Variants in SH3BP4 observed in about 807,000 individuals in gnomAD.
SH3BP4 encodes the protein SH3 domain binding protein 4.
A neutral mutation model predicts 65.5 loss-of-function variants in SH3BP4; 33 were observed. The observed-to-expected ratio is 0.50, with a 90% CI of 0.38 to 0.67. The LOEUF is 0.67. Ranked by LOEUF, SH3BP4 falls within the 30% of genes least tolerant of loss-of-function variation. The pLI, the probability that SH3BP4 is intolerant of heterozygous loss-of-function variation, is 0.00. For synonymous variants in SH3BP4, 552 were observed against 545.5 expected (o/e 1.01, Z -0.17); for missense variants, 1,134 against 1,261.4 (o/e 0.90, Z 1.53).
chr2:235,011,741 T>C (rs1320126231), intron 2 of SH3BP4, among the ~76,000 whole-genome samples: 2 of 152,258 alleles, frequency 1.3e-5, no homozygotes, highest in Admixed American at 1.3e-4. Flanking sequence ...GATAACTCTC[T>C]GTTTGTCAGA....
In SH3BP4 at chr2:234,988,261, G is replaced by A. The variant is rs13406254; in HGVS notation, c.-206-7042G>A. 8.8e-3 allele frequency among the ~76,000 whole-genome samples: 1,346 copies of A among 152,136 alleles called. 17 individuals are homozygous for A. Among genetic ancestry groups the A allele is most frequent in the African/African-American group, 0.027 (1,115 of 41,490 alleles). On this transcript the variant is annotated intron_variant, in intron 1 of 5. Coordinates refer to ENST00000392011, the MANE Select transcript of SH3BP4 (RefSeq NM_014521.3). ...TTTTTAGTAGAGACAGGGTTTCACC[G>A]TGTTAGCCAGGATAGTCTTGATCTC...
intron 1 of SH3BP4, among the ~76,000 whole-genome samples, chr2:234,971,002 C>G (rs1470411257): frequency 6.6e-6 from 1 of 152,128 alleles, no homozygotes; most frequent in East Asian, 1.9e-4. Flanking sequence ...ATGGCCTTCC[C>G]CCACTGCCTT....
intron 3 of SH3BP4, among the ~76,000 whole-genome samples, chr2:235,036,740 A>AATAATAATAATAATAAT (rs1553567013): frequency 8.5e-5 from 12 of 141,772 alleles, no homozygotes; most frequent in South Asian, 4.6e-4. Flanking sequence ...TCTATATAAA[A>AATAATAATAATAATAAT]AATAATAATA....
Position 235,043,033 on chromosome 2 carries a change from A to G in SH3BP4, c.2264A>G (p.Tyr755Cys), listed in dbSNP as rs1294713720. 31 of 1,610,624 alleles carry G rather than the reference A, an allele frequency of 1.9e-5. No individual in the cohort carries two copies. The highest frequency in any genetic ancestry group is 2.5e-5 in the Non-Finnish European group (30 of 1,177,644). Residue 755 changes from tyrosine (Y) to cysteine (C), a missense_variant, in exon 4 of 6, where the codon TAT (tyrosine) becomes TGT (cysteine). By Grantham distance (194) the Tyr-to-Cys change is radical. Transcript: ENST00000392011. ...CCCTGCAAATTCCTCACGTACATCT[A>G]TGCCTCCGTGAGGACCCTGCTCATG... Reference protein sequence around the residue: ...LRPCKFLTYIYASVRTLLMEN... With the variant: ...LRPCKFLTYICASVRTLLMEN...
At chr2:234,963,700 T>G (rs1692768724) in intron 1 of SH3BP4, among the ~76,000 whole-genome samples, 1 of 152,206 alleles carries the variant, frequency 6.6e-6, no homozygotes, top group African/African-American at 2.4e-5. Context: ...GCCCACTCCC[T>G]CCTAGAAGGG....
At chr2:235,012,729 C>T (rs1694553636) in intron 2 of SH3BP4, among the ~76,000 whole-genome samples, 1 of 152,228 alleles carries the variant, frequency 6.6e-6, no homozygotes, top group Admixed American at 6.5e-5. Context: ...AATGCGTTTC[C>T]ATCTCGGAGT....
chr2:234,955,268 A>G (rs1375790107), intron 1 of SH3BP4, among the ~76,000 whole-genome samples: 1 of 152,126 alleles, frequency 6.6e-6, no homozygotes, highest in Non-Finnish European at 1.5e-5. Context: ...CAGGCCAAGC[A>G]ACGTTTACAC....
intron 3 of SH3BP4, among the ~76,000 whole-genome samples, chr2:235,036,420 TA>T (rs1013360250): frequency 1.6e-4 from 24 of 152,274 alleles, no homozygotes; most frequent in African/African-American, 5.8e-4. Context: ...GGCAGAGTGT[TA>T]AAGTGAGGAG....
chr2:235,017,012 C>A (rs1418254904), intron 2 of SH3BP4, among the ~76,000 whole-genome samples: 1 of 147,062 alleles, frequency 6.8e-6, no homozygotes, highest in Non-Finnish European at 1.5e-5. Flanking sequence ...TCACCCAGAT[C>A]TCACTTTCGG....
chr2:235,034,140 C>G lies in SH3BP4; in HGVS notation c.-132-731C>G, dbSNP rs550797901. ...CATATCCAGAACCCCCCACATGCTT[C>G]AGTCCTGTCTGTGCGCCCTTCCAGA... On this transcript the variant is annotated intron_variant, in intron 2 of 5. Transcript: ENST00000392011. This position sits in a 1 kb window ranked among gnomAD's most constrained non-coding sequence, Gnocchi z 6.2. 6.6e-6 allele frequency among the ~76,000 whole-genome samples: 1 copy of G among 152,112 alleles called. No homozygotes were observed. The highest frequency in any genetic ancestry group is 1.5e-5 in the Non-Finnish European group (1 of 68,018).
chr2:235,032,129 G>T (rs546122477), intron 2 of SH3BP4, among the ~76,000 whole-genome samples: 3 of 152,198 alleles, frequency 2.0e-5, no homozygotes, highest in Non-Finnish European at 2.9e-5. Flanking sequence ...AGGAGTCTTC[G>T]TTTGGCCACT....
intron 4 of SH3BP4, among the ~76,000 whole-genome samples, chr2:235,049,015 C>T (rs1695964014): frequency 6.6e-6 from 1 of 152,216 alleles, no homozygotes; most frequent in Non-Finnish European, 1.5e-5. Flanking sequence ...AAAATTTGTC[C>T]TTTAAAAATA....
At chr2:234,985,616 G>T (rs184681109) in intron 1 of SH3BP4, among the ~76,000 whole-genome samples, 26 of 152,150 alleles carry the variant, frequency 1.7e-4, no homozygotes, top group Non-Finnish European at 3.2e-4. Flanking sequence ...GACCCTCTGC[G>T]CACAGATATT....
rs190544096 is a variant in SH3BP4 at position 235,027,434 on chromosome 2, G to A, written c.-132-7437G>A. Among the ~76,000 whole-genome samples, 15 of 150,100 alleles carry A rather than the reference G, an allele frequency of 1.0e-4. No individual in the cohort carries two copies. In the East Asian group the frequency reaches 2.9e-3, roughly 29 times the overall value. On this transcript the variant is annotated intron_variant, in intron 2 of 5. Transcript: ENST00000392011. Reference sequence around the variant, plus strand: ...TCAGGCCGTCAGTAACAGGAGGACCGACCTGCTGGGGCGGAATGTCTGTGG... The same window carrying A: ...TCAGGCCGTCAGTAACAGGAGGACCAACCTGCTGGGGCGGAATGTCTGTGG...
rs941630981 is a variant in SH3BP4 at position 235,045,725 on chromosome 2, C to T, written c.2478+2478C>T. 6.6e-6 allele frequency among the ~76,000 whole-genome samples: 1 copy of T among 151,810 alleles called. No homozygotes were observed. Among genetic ancestry groups the T allele is most frequent in the Non-Finnish European group, 1.5e-5 (1 of 67,958 alleles). On this transcript the variant is annotated intron_variant, in intron 4 of 5. Coordinates refer to ENST00000392011, the MANE Select transcript of SH3BP4 (RefSeq NM_014521.3). The surrounding 1 kb of genome is among the most constrained non-coding windows in gnomAD (Gnocchi z 4.3). ...ACCCTGAAAACTGGCTGTTCTATTC[C>T]GCTTGTCATCACAGGGCTGCCACGA...
intron 2 of SH3BP4, among the ~76,000 whole-genome samples, chr2:235,013,620 T>A (rs2106299906): frequency 6.6e-6 from 1 of 152,340 alleles, no homozygotes; most frequent in East Asian, 1.9e-4. Context: ...GAGCTCCCAA[T>A]GTAACTGTTG....
intron 4 of SH3BP4, 31 bp downstream of exon 4, chr2:235,043,278 G>C: frequency 1.3e-6 from 2 of 1,518,220 alleles, no homozygotes; most frequent in Admixed American, 2.1e-5. Context: ...TGGGCGTTCA[G>C]GGGTGCTGCT....
At chr2:234,970,975 A>G (rs1176524943) in intron 1 of SH3BP4, among the ~76,000 whole-genome samples, 1 of 152,218 alleles carries the variant, frequency 6.6e-6, no homozygotes, top group Non-Finnish European at 1.5e-5. Context: ...TGAAGACAAC[A>G]AAATAGGCTA....
chr2:235,048,165 T>C (rs1250733776), intron 4 of SH3BP4, among the ~76,000 whole-genome samples: 1 of 152,042 alleles, frequency 6.6e-6, no homozygotes, highest in Non-Finnish European at 1.5e-5. Context: ...AGCCAGAGCC[T>C]GTGGCTGTTA....
Sources: gnomAD v4.1 joint callset for allele counts (sites outside exome capture counted in the v4.1 genomes callset) on GRCh38, gnomAD v4.1.1 for gene constraint, Gnocchi (gnomAD v3.1) non-coding constraint, MANE v1.5 for transcripts, NCBI Gene and HGNC (gene_info 2026-07-23, HGNC 2026-07-21) for gene names.